The following R3HCC1 variants were observed in gnomAD, a reference collection of about 807,000 sequenced individuals.
The protein encoded by R3HCC1 is R3H domain and coiled-coil containing 1.
In R3HCC1, 32 loss-of-function variants were observed where a neutral mutation model predicts 40.0. The ratio of observed to expected loss-of-function variants is 0.80; its 90% CI spans 0.60 to 1.07. The LOEUF is 1.07. Ranked by LOEUF, R3HCC1 falls within the 50% of genes least tolerant of loss-of-function variation. The probability of loss-of-function intolerance (pLI) is 0.00; values close to 1 mark genes in which losing one functional copy is unlikely to be tolerated. For synonymous variants in R3HCC1, 237 were observed against 232.8 expected (o/e 1.02, Z -0.17); for missense variants, 586 against 563.3 (o/e 1.04, Z -0.41).
At chr8:23,292,384 C>G (rs1802886742) in intron 5 of R3HCC1, among the ~76,000 whole-genome samples, 1 of 152,204 alleles carries the variant, frequency 6.6e-6, no homozygotes, top group African/African-American at 2.4e-5. Flanking sequence ...GAGGGCGGAT[C>G]ATGAGGTCAG....
At chr8:23,288,383 C>T in intron 1 of R3HCC1, 123 bp from the exon 2 acceptor site, 1 of 1,374,776 alleles carries the variant, frequency 7.3e-7, no homozygotes, top group South Asian at 1.4e-5. Flanking sequence ...CCTGGCATCA[C>T]TTCCCCGCCA....
chr8:23,288,921 G>A (rs752153924), intron 2 of R3HCC1, 95 bp from the exon 3 acceptor site: 3 of 1,369,154 alleles, frequency 2.2e-6, no homozygotes, highest in Non-Finnish European at 2.0e-6. Flanking sequence ...GGGGCAGAAG[G>A]GAGCCCAGTG....
rs186465473 is a variant in R3HCC1, at chr8:23,292,051, T to A, written c.1025+518T>A. 1.5e-3 allele frequency among the ~76,000 whole-genome samples: 233 copies of A among 152,304 alleles called. 1 individual carries two copies. Among genetic ancestry groups the A allele is most frequent in the African/African-American group, 5.4e-3 (225 of 41,592 alleles). The stretch of plus-strand genomic sequence containing the variant: ...TGCCTTTAGATCCACCCTCCTGTCT[T>A]TCCTTCTTTTTTCTTTTCCTTTTTT... On this transcript the variant is annotated intron_variant, in intron 5 of 7. Transcript: ENST00000265806.
rs1803005189 is a variant in R3HCC1 at position 23,295,960 on chromosome 8, C to T, written c.1193-7C>T. 1.3e-6 allele frequency: 2 copies of T among 1,547,772 alleles called. No individual in the cohort carries two copies. The highest frequency in any genetic ancestry group is 1.7e-6 in the Non-Finnish European group (2 of 1,145,298). ...TTTAGGTCCCCACTGTGGGGCTTTC[C>T]TTCTAGAACTCCTGCGTCTGGTGAA... is the stretch of plus-strand genomic sequence containing the variant. On this transcript the variant is annotated splice_region_variant and splice_polypyrimidine_tract_variant and intron_variant, in intron 7 of 7. Transcript: ENST00000265806.
intron 7 of R3HCC1, 52 bp downstream of exon 7, chr8:23,294,916 TGCGA>T: frequency 7.9e-7 from 1 of 1,267,676 alleles, no homozygotes; most frequent in Non-Finnish European, 1.1e-6. Flanking sequence ...TGTGTGTGCG[TGCGA>T]GCATGTGTGT....
At chr8:23,293,621 G>A (rs1802921099) in intron 6 of R3HCC1, among the ~76,000 whole-genome samples, 1 of 152,118 alleles carries the variant, frequency 6.6e-6, no homozygotes, top group African/African-American at 2.4e-5. Context: ...AGATTCAGGC[G>A]ACCTTTGCTG....
rs1275449947 is a variant in R3HCC1 at position 23,294,867 on chromosome 8, A to G, written c.1192+3A>G. 1 of 1,546,878 alleles carries G rather than the reference A, an allele frequency of 6.5e-7. No individual in the cohort carries two copies. The highest frequency in any genetic ancestry group is 2.0e-5 in the Admixed American group (1 of 50,954). Reference sequence around the variant, plus strand: ...GCTCAAAGCCTTGCAGAGGCCAAGTAAGGAAAGCGCATGTCCCTGAATAGG... The same window carrying G: ...GCTCAAAGCCTTGCAGAGGCCAAGTGAGGAAAGCGCATGTCCCTGAATAGG... On this transcript the variant is annotated splice_donor_region_variant and intron_variant, in intron 7 of 7. Transcript: ENST00000265806.
intron 5 of R3HCC1, 117 bp downstream of exon 5, chr8:23,291,650 A>T (rs1053199985): frequency 6.8e-6 from 10 of 1,462,574 alleles, no homozygotes; most frequent in South Asian, 1.4e-5. Flanking sequence ...AGAGACAGAA[A>T]GTGGGTGTGT....
chr8:23,294,613 C>A (rs567811124), intron 6 of R3HCC1, among the ~76,000 whole-genome samples, 156 bp from the exon 7 acceptor site: 2 of 151,206 alleles, frequency 1.3e-5, no homozygotes, highest in Non-Finnish European at 3.0e-5. Context: ...GGCAAGCAGG[C>A]GGCAGTCGTC....
rs756797914 is a variant in R3HCC1 at position 23,293,334 on chromosome 8, G to A, written c.1057G>A (p.Asp353Asn). ...GGGGTTCAGGATTCAGTGGGTGGATGATACTCACGCACTCGGCATCTTTCC... is the reference window on the plus strand; with the variant it reads ...GGGGTTCAGGATTCAGTGGGTGGATAATACTCACGCACTCGGCATCTTTCC... Residue 353 changes from aspartate to asparagine, a missense_variant, in exon 6 of 8, where the codon GAT (aspartate) becomes AAT (asparagine). Asp to Asn is a conservative substitution (Grantham distance 23, BLOSUM62 1). Coordinates refer to ENST00000265806, the MANE Select transcript of R3HCC1 (RefSeq NM_001136108.3). 5.8e-6 allele frequency: 9 copies of A among 1,551,428 alleles called. No homozygotes were observed. In the South Asian group the frequency reaches 1.1e-4, roughly 18 times the overall value.
intron 7 of R3HCC1, 142 bp from the exon 8 acceptor site, chr8:23,295,825 A>C: frequency 8.0e-7 from 1 of 1,254,708 alleles, no homozygotes; most frequent in Middle Eastern, 2.1e-4. Context: ...GCATCCGGCC[A>C]CACCACGGGC....
chr8:23,292,452 C>CA (rs1177729002), intron 5 of R3HCC1, among the ~76,000 whole-genome samples: 4 of 151,976 alleles, frequency 2.6e-5, no homozygotes, highest in Non-Finnish European at 5.9e-5. Flanking sequence ...ACTAAAAATA[C>CA]AAAAAAATAA....
In R3HCC1 at chr8:23,288,358, G is replaced by C. The variant is rs1431721514; in HGVS notation, c.-18-148G>C. The C allele has an allele frequency of 6.4e-6, 8 of 1,245,766 alleles. No homozygotes were observed. The African/African-American group carries it at 9.0e-5, about 14-fold the overall frequency. The allele number at this position is 1,245,766 out of a possible 1,614,324, so 77.2% of individuals were successfully genotyped here. ...CCAGGAGACCCCTTCCCTGACCCCT[G>C]ACTTGCCGGGGGTCCCTGGCATCAC... is the stretch of plus-strand genomic sequence containing the variant. On this transcript the variant is annotated intron_variant, in intron 1 of 7. Coordinates refer to ENST00000265806, the MANE Select transcript of R3HCC1 (RefSeq NM_001136108.3).
intron 4 of R3HCC1, chr8:23,290,873 G>GC (rs1802853407): frequency 4.3e-6 from 1 of 234,218 alleles, no homozygotes; most frequent in Non-Finnish European, 8.4e-6. Context: ...TTGGGACCGT[G>GC]CGACTGCCCC....
chr8:23,294,876 G>A lies in R3HCC1; in HGVS notation c.1192+12G>A, dbSNP rs923923241. The A allele has an allele frequency of 7.8e-6, 12 of 1,536,604 alleles. No individual in the cohort carries two copies. Among genetic ancestry groups the A allele is most frequent in the Middle Eastern group, 1.7e-4 (1 of 5,966 alleles). ...CTTGCAGAGGCCAAGTAAGGAAAGC[G>A]CATGTCCCTGAATAGGGAGGCTGTG... On this transcript the variant is annotated intron_variant, in intron 7 of 7. Transcript: ENST00000265806.
intron 7 of R3HCC1, 108 bp from the exon 8 acceptor site, chr8:23,295,857 ATG>A: frequency 3.6e-6 from 5 of 1,392,848 alleles, no homozygotes; most frequent in East Asian, 2.6e-5. Context: ...GAGGCCCCAC[ATG>A]TGTCACATGA....
intron 7 of R3HCC1, 85 bp from the exon 8 acceptor site, chr8:23,295,881 TG>T (rs2117130097): frequency 7.5e-6 from 11 of 1,459,120 alleles, no homozygotes; most frequent in Non-Finnish European, 1.0e-5. Flanking sequence ...AGGCTGGCTC[TG>T]ATGGCTTGTA....
chr8:23,294,941 G>A, intron 7 of R3HCC1, 77 bp downstream of exon 7: 3 of 1,072,454 alleles, frequency 2.8e-6, no homozygotes, highest in Non-Finnish European at 4.2e-6. Context: ...GTGTGCGTGT[G>A]TGTGTGTCTG....
At chr8:23,295,696 A>G in intron 7 of R3HCC1, 1 of 545,162 alleles carries the variant, frequency 1.8e-6, no homozygotes, top group Non-Finnish European at 3.3e-6. Flanking sequence ...GGAGGTGTGC[A>G]GGATGAACCC....
Sources: gnomAD v4.1 joint callset for allele counts (sites outside exome capture counted in the v4.1 genomes callset) on GRCh38, gnomAD v4.1.1 for gene constraint, MANE v1.5 for transcripts, NCBI Gene and HGNC (gene_info 2026-07-23, HGNC 2026-07-21) for gene names.